ZDHHC11B: variants seen among roughly 807,000 people sequenced by gnomAD.
ZDHHC11B encodes the protein zDHHC palmitoyltransferase 11B (putative).
Under a neutral mutation model 42.3 loss-of-function variants are expected in ZDHHC11B, and 17 were observed. The observed-to-expected ratio is 0.40, with a 90% CI of 0.27 to 0.60. The LOEUF is 0.60. ZDHHC11B is among the 20% of genes least tolerant of loss of function. The pLI is 0.41. For missense variants in ZDHHC11B, 262 were observed against 463.2 expected, an observed-to-expected ratio of 0.57 and a Z score of 3.99; for synonymous variants, 123 against 193.5, an observed-to-expected ratio of 0.64 and a Z score of 3.02.
chr5:746,254 G>T (rs1409478068), intron 8 of ZDHHC11B, among the ~76,000 whole-genome samples: 1 of 146,466 alleles, frequency 6.8e-6, no homozygotes, highest in African/African-American at 2.5e-5. Flanking sequence ...CGCCCACAGA[G>T]GCCTATTTGC....
At chr5:739,100 A>C (rs1322521546) in intron 10 of ZDHHC11B, among the ~76,000 whole-genome samples, 2 of 150,502 alleles carry the variant, frequency 1.3e-5, no homozygotes, top group Non-Finnish European at 2.9e-5. Flanking sequence ...AATCCGCAAA[A>C]AAAAAACAAA....
chr5:710,635 G>C lies in ZDHHC11B; in HGVS notation c.*1655C>G, dbSNP rs1205324252. The stretch of plus-strand genomic sequence containing the variant: ...CTCAGTACTGGGCTCCCATTTCCCA[G>C]TACTGTGCTCCCATTTCTCAGTACT... On this transcript the variant is annotated 3_prime_UTR_variant, in exon 14 of 14. Transcript: ENST00000508859. 1 of 148,746 alleles carries C rather than the reference G, an allele frequency of 6.7e-6. No individual in the cohort carries two copies. The highest frequency in any genetic ancestry group is 2.6e-5 in the African/African-American group (1 of 38,410). 9.2% of individuals were successfully genotyped at this position (148,746 alleles called of 1,614,324 possible).
chr5:754,360 G>A (rs188120547), intron 6 of ZDHHC11B, among the ~76,000 whole-genome samples: 408 of 13,008 alleles, frequency 0.031, 61 homozygotes, highest in African/African-American at 0.11. Flanking sequence ...AGCCTCCACC[G>A]TGATCAGGGG....
intron 1 of ZDHHC11B, among the ~76,000 whole-genome samples, chr5:779,041 G>A (rs893983373): frequency 6.6e-6 from 1 of 151,210 alleles, no homozygotes; most frequent in African/African-American, 2.5e-5. Flanking sequence ...CTTGATCTTG[G>A]ACTCTCCAGC....
chr5:776,409 A>G (rs575670343), intron 1 of ZDHHC11B, among the ~76,000 whole-genome samples: 13 of 151,794 alleles, frequency 8.6e-5, no homozygotes, highest in Middle Eastern at 3.4e-3. Context: ...GGGAGAAGCA[A>G]CCCCCCAGTA....
chr5:745,631 T>A (rs1744709273), intron 8 of ZDHHC11B, among the ~76,000 whole-genome samples: 2 of 149,990 alleles, frequency 1.3e-5, no homozygotes, highest in African/African-American at 4.9e-5. Context: ...GGGTCCCCTA[T>A]ACCATGCAGC....
At chr5:767,556 G>A in intron 2 of ZDHHC11B, 32 bp from the exon 3 acceptor site, 4 of 1,397,034 alleles carry the variant, frequency 2.9e-6, no homozygotes, top group South Asian at 1.3e-5. Context: ...GAGCATCACT[G>A]GACTCACTGG....
chr5:766,364 C>T lies in ZDHHC11B; in HGVS notation c.222+334G>A, dbSNP rs149171314. Among the ~76,000 whole-genome samples the T allele has an allele frequency of 5.8e-3, 874 of 151,860 alleles. 14 individuals carry two copies. The highest frequency in any genetic ancestry group is 0.01 in the Middle Eastern group (3 of 294). ...CCACCTGCTGGGAGATGGGAGCAGA[C>T]GGCCTGACATGGGGTCAGCGGCTGC... On this transcript the variant is annotated intron_variant, in intron 4 of 13. Transcript: ENST00000508859.
rs545804902 is a variant in ZDHHC11B at position 716,818 on chromosome 5, C to A, written c.1106G>T (p.Ser369Ile). The part of the protein sequence containing the change: ...TEPMKTDSAE[S>I]ED ...TATCTTACCCGAATCTCAGTCTTCA[C>A]TTTCAGCACTGTCAGTTTTCATGGG... The change falls in exon 13 of 14, where the codon AGT becomes ATT. Residue 369 changes from serine (S) to isoleucine (I), a missense_variant. By Grantham distance (142) the Ser-to-Ile change is moderately radical. Around this residue, in one of 5 missense-constraint regions of ZDHHC11B, gnomAD observed 75 missense variants for 70.1 expected, o/e 1.07. Coordinates refer to ENST00000508859, the MANE Select transcript of ZDHHC11B (RefSeq NM_001351303.2). 3.7e-6 allele frequency: 6 copies of A among 1,613,136 alleles called. No individual in the cohort carries two copies. The Admixed American group carries it at 8.3e-5, about 22-fold the overall frequency.
intron 12 of ZDHHC11B, among the ~76,000 whole-genome samples, chr5:725,207 G>A (rs867108344): frequency 1.4e-5 from 2 of 140,202 alleles, no homozygotes; most frequent in Non-Finnish European, 3.1e-5. Flanking sequence ...GGAGGCCATC[G>A]GAGAACCAGG....
chr5:771,250 T>C (rs1427545091), intron 1 of ZDHHC11B, among the ~76,000 whole-genome samples: 1 of 151,654 alleles, frequency 6.6e-6, no homozygotes, highest in East Asian at 1.9e-4. Flanking sequence ...GGGTCCTGAG[T>C]GTGGCCCCTG....
intron 10 of ZDHHC11B, among the ~76,000 whole-genome samples, chr5:739,416 A>T (rs1442930153): frequency 6.6e-6 from 1 of 151,084 alleles, no homozygotes; most frequent in Non-Finnish European, 1.5e-5. Flanking sequence ...AAACAAACAA[A>T]CAAACAACAA....
intron 1 of ZDHHC11B, among the ~76,000 whole-genome samples, chr5:784,314 G>C (rs1171415424): frequency 6.6e-6 from 1 of 151,954 alleles, no homozygotes; most frequent in Non-Finnish European, 1.5e-5. Flanking sequence ...GGGCTGGGCA[G>C]GGTCTGGAGG....
chr5:757,175 C>G (rs375721304), intron 4 of ZDHHC11B, among the ~76,000 whole-genome samples: 1 of 151,890 alleles, frequency 6.6e-6, no homozygotes, highest in Non-Finnish European at 1.5e-5. Flanking sequence ...GCTCCTGGAC[C>G]GCCTTCTAGC....
At chr5:718,748 T>C (rs1388503615) in intron 12 of ZDHHC11B, among the ~76,000 whole-genome samples, 1 of 151,450 alleles carries the variant, frequency 6.6e-6, no homozygotes, top group Non-Finnish European at 1.5e-5. Flanking sequence ...TGCTGGTCTT[T>C]CGTGAATGGT....
intron 11 of ZDHHC11B, among the ~76,000 whole-genome samples, chr5:730,801 G>A (rs1196145365): frequency 6.6e-6 from 1 of 151,692 alleles, no homozygotes. Context: ...CAGAGTGACT[G>A]GTGTCCTTTT....
At chr5:762,363 C>A (rs1441139969) in intron 4 of ZDHHC11B, among the ~76,000 whole-genome samples, 5 of 151,890 alleles carry the variant, frequency 3.3e-5, no homozygotes, top group African/African-American at 1.2e-4. Flanking sequence ...CAAGATAGCG[C>A]CCAGGATGAG....
rs189921796 is a variant in ZDHHC11B at position 748,498 on chromosome 5, A to G, written c.690T>C (p.Thr230=). The change falls in exon 8 of 14, where the codon ACT becomes ACC. Residue 230 remains threonine, a synonymous_variant. Coordinates refer to ENST00000508859, the MANE Select transcript of ZDHHC11B (RefSeq NM_001351303.2). ...GCATCCTGATGATCACGACTATCAGAGTCTGCACCTGCACCGGGAACAGGG... is the reference window on the plus strand; with the variant it reads ...GCATCCTGATGATCACGACTATCAGGGTCTGCACCTGCACCGGGAACAGGG... ...FLPLFPVQVQ[T]LIVVIIRMLV... The G allele has an allele frequency of 9.9e-4, 1,350 of 1,363,106 alleles. 300 individuals are homozygous for G. Among genetic ancestry groups the G allele is most frequent in the Middle Eastern group, 5.9e-3 (31 of 5,228 alleles). The allele number at this position is 1,363,106 out of a possible 1,614,324, so 84.4% of individuals were successfully genotyped here. A position where few individuals can be genotyped will look rare whatever the true frequency, so the allele number is the denominator to read the frequency against.
At chr5:729,224 C>A (rs1460188457) in intron 12 of ZDHHC11B, among the ~76,000 whole-genome samples, 1 of 151,130 alleles carries the variant, frequency 6.6e-6, no homozygotes, top group African/African-American at 2.4e-5. Context: ...CTCCCTCACA[C>A]ACCCTCCCTG....
Sources: gnomAD v4.1 joint callset for allele counts (sites outside exome capture counted in the v4.1 genomes callset) on GRCh38, gnomAD v4.1.1 for gene constraint, gnomAD v4.1.1 regional missense constraint, MANE v1.5 for transcripts, NCBI Gene and HGNC (gene_info 2026-07-23, HGNC 2026-07-21) for gene names.